The following NTNG1 variants were observed in gnomAD, a reference collection of about 807,000 sequenced individuals.
The protein encoded by NTNG1 is netrin G1.
In NTNG1, 16 loss-of-function variants were observed where a neutral mutation model predicts 54.0. The observed-to-expected ratio is 0.30, with a 90% CI of 0.20 to 0.45. The LOEUF is 0.45. Among genes scored for constraint, NTNG1 ranks in the 20% least tolerant of loss-of-function variants. The pLI, the probability that NTNG1 is intolerant of heterozygous loss-of-function variation, is 1.00. For missense variants in NTNG1, 530 were observed against 678.7 expected (o/e 0.78, Z 2.43); for synonymous variants, 255 against 263.1 (o/e 0.97, Z 0.30).
chr1:107,421,722 T>C (rs1674586623), intron 5 of NTNG1, among the ~76,000 whole-genome samples: 1 of 152,148 alleles, frequency 6.6e-6, no homozygotes, highest in African/African-American at 2.4e-5. Context: ...GACTCATGAA[T>C]GGCCCATTCC....
At chr1:107,275,260 T>G (rs1422496135) in intron 2 of NTNG1, among the ~76,000 whole-genome samples, 6 of 151,824 alleles carry the variant, frequency 4.0e-5, no homozygotes, top group Admixed American at 3.9e-4. Context: ...GCCTATAACC[T>G]CAGCTACTCG....
chr1:107,257,571 C>A (rs1020874917), intron 2 of NTNG1, among the ~76,000 whole-genome samples: 3 of 152,124 alleles, frequency 2.0e-5, no homozygotes, highest in East Asian at 1.9e-4. Flanking sequence ...TGCTACACAG[C>A]GGCTCCAGTC....
intron 2 of NTNG1, among the ~76,000 whole-genome samples, chr1:107,203,826 A>G (rs1658953784): frequency 6.6e-6 from 1 of 151,546 alleles, no homozygotes. Flanking sequence ...TTGCTTTTTT[A>G]TGTATTTTAA....
At chr1:107,262,937 A>G (rs1018761579) in intron 2 of NTNG1, among the ~76,000 whole-genome samples, 2 of 152,208 alleles carry the variant, frequency 1.3e-5, no homozygotes, top group African/African-American at 4.8e-5. Flanking sequence ...CATAGTGATG[A>G]CTGAATTGAG....
chr1:107,158,846 C>A (rs931715184), intron 2 of NTNG1, among the ~76,000 whole-genome samples: 5 of 152,058 alleles, frequency 3.3e-5, no homozygotes, highest in Admixed American at 2.6e-4. Flanking sequence ...AAAAAGAATT[C>A]TATATTTCAA....
At chr1:107,184,988 G>A (rs1657344365) in intron 2 of NTNG1, among the ~76,000 whole-genome samples, 1 of 152,098 alleles carries the variant, frequency 6.6e-6, no homozygotes, top group Non-Finnish European at 1.5e-5. Context: ...TTGAGTTGAG[G>A]TGTCTCCTCA....
intron 2 of NTNG1, among the ~76,000 whole-genome samples, chr1:107,168,388 T>C (rs1408787756): frequency 6.6e-6 from 1 of 152,060 alleles, no homozygotes; most frequent in African/African-American, 2.4e-5. Flanking sequence ...TAGAAGAGTA[T>C]TTTTCTGATA....
intron 2 of NTNG1, among the ~76,000 whole-genome samples, chr1:107,290,342 G>A (rs1665501660): frequency 6.6e-6 from 1 of 152,172 alleles, no homozygotes; most frequent in South Asian, 2.1e-4. Flanking sequence ...AGCAGTACAT[G>A]TAGAAGAGTG....
At chr1:107,405,341 G>A (rs542774299) in intron 4 of NTNG1, among the ~76,000 whole-genome samples, 2 of 152,176 alleles carry the variant, frequency 1.3e-5, no homozygotes, top group East Asian at 3.9e-4. Context: ...TTACAGCAGA[G>A]GAATAGAAAA....
At chr1:107,272,394 A>G (rs1490363440) in intron 2 of NTNG1, among the ~76,000 whole-genome samples, 1 of 152,062 alleles carries the variant, frequency 6.6e-6, no homozygotes, top group Non-Finnish European at 1.5e-5. Flanking sequence ...TTGCTCCACC[A>G]CTATTTAGCT....
chr1:107,405,499 C>T (rs1388744589), intron 4 of NTNG1, among the ~76,000 whole-genome samples: 1 of 152,102 alleles, frequency 6.6e-6, no homozygotes, highest in Non-Finnish European at 1.5e-5. Flanking sequence ...GGTTTGGAAA[C>T]TTGGAACAAA....
chr1:107,319,865 T>TTATATATATATATA (rs1553225209), intron 2 of NTNG1, among the ~76,000 whole-genome samples: 5 of 147,872 alleles, frequency 3.4e-5, no homozygotes, highest in African/African-American at 1.3e-4. Context: ...TACCTGAGGT[T>TTATATATATATATA]TATATATATA....
intron 2 of NTNG1, among the ~76,000 whole-genome samples, chr1:107,302,173 C>A (rs115469711): frequency 1.0e-3 from 158 of 152,292 alleles, no homozygotes; most frequent in African/African-American, 3.5e-3. Flanking sequence ...CTTCTCTTGT[C>A]CATGTACGTG....
Position 107,197,831 on chromosome 1 carries a change from G to A in NTNG1, c.246+48992G>A, listed in dbSNP as rs911073615. Among the ~76,000 whole-genome samples, 11 of 152,092 alleles carry A rather than the reference G, an allele frequency of 7.2e-5. No individual in the cohort carries two copies. In the East Asian group the frequency reaches 9.7e-4, roughly 13 times the overall value. ...TTGATAATCTGGTGCACCATGGTGTGTAAACATTGCCATCCACCTGGCCAC... is the reference window on the plus strand; with the variant it reads ...TTGATAATCTGGTGCACCATGGTGTATAAACATTGCCATCCACCTGGCCAC... On this transcript the variant is annotated intron_variant, in intron 2 of 7. Coordinates refer to ENST00000370068, the MANE Select transcript of NTNG1 (RefSeq NM_001113226.3).
intron 2 of NTNG1, among the ~76,000 whole-genome samples, chr1:107,160,835 T>C (rs1368737176): frequency 6.6e-6 from 1 of 152,136 alleles, no homozygotes; most frequent in African/African-American, 2.4e-5. Context: ...CTATAGTTTT[T>C]TCCTAACTTT....
At chr1:107,256,650 A>G (rs901229630) in intron 2 of NTNG1, among the ~76,000 whole-genome samples, 1 of 152,212 alleles carries the variant, frequency 6.6e-6, no homozygotes, top group Non-Finnish European at 1.5e-5. Context: ...CCGCATTTGC[A>G]GGCAGTTGCA....
At chr1:107,217,120 C>G (rs1660021206) in intron 2 of NTNG1, among the ~76,000 whole-genome samples, 1 of 152,106 alleles carries the variant, frequency 6.6e-6, no homozygotes, top group Non-Finnish European at 1.5e-5. Flanking sequence ...TTTTAATCTG[C>G]TGCTTGTTAT....
intron 2 of NTNG1, among the ~76,000 whole-genome samples, chr1:107,307,547 C>T (rs1188877271): frequency 2.6e-5 from 4 of 152,156 alleles, no homozygotes; most frequent in African/African-American, 4.8e-5. Context: ...GAAACTGAGA[C>T]ACAAAGAATT....
chr1:107,257,086 G>C (rs1450349387), intron 2 of NTNG1, among the ~76,000 whole-genome samples: 1 of 151,930 alleles, frequency 6.6e-6, no homozygotes, highest in Non-Finnish European at 1.5e-5. Context: ...AAATTAGAAA[G>C]GTAAATATGC....
Sources: allele counts gnomAD v4.1 joint callset (sites outside exome capture counted in the v4.1 genomes callset), GRCh38; gene constraint gnomAD v4.1.1; transcripts MANE v1.5; gene names NCBI Gene and HGNC (gene_info 2026-07-23, HGNC 2026-07-21).